The following TOMM70 variants were observed in gnomAD, a reference collection of about 807,000 sequenced individuals.
The protein encoded by TOMM70 is translocase of outer mitochondrial membrane 70, also known as mitochondrial import receptor subunit TOM70.
TOMM70 carries 13 observed loss-of-function variants against 73.6 expected under a neutral mutation model. The observed-to-expected ratio is 0.18, with a 90% CI of 0.11 to 0.28. The LOEUF (loss-of-function observed/expected upper bound fraction) is 0.28. Among genes scored for constraint, TOMM70 ranks in the 10% least tolerant of loss-of-function variants. The pLI, the probability that TOMM70 is intolerant of heterozygous loss-of-function variation, is 1.00. For synonymous variants in TOMM70, 257 were observed against 271.2 expected, an observed-to-expected ratio of 0.95 and a Z score of 0.51; for missense variants, 609 against 747.5, an observed-to-expected ratio of 0.81 and a Z score of 2.16.
intron 9 of TOMM70, 113 bp from the exon 10 acceptor site, chr3:100,369,248 C>T (rs755985798): frequency 1.1e-5 from 8 of 746,022 alleles, no homozygotes; most frequent in African/African-American, 1.8e-5. Context: ...AAAATTATCA[C>T]GTTTTGGGGA....
At chr3:100,394,224 G>GT (rs1192083762) in intron 1 of TOMM70, among the ~76,000 whole-genome samples, 2 of 152,038 alleles carry the variant, frequency 1.3e-5, no homozygotes, top group Non-Finnish European at 2.9e-5. Context: ...TCTTAAAATG[G>GT]TTTTATTGTT....
At chr3:100,372,582 T>TA (rs746837549) in intron 9 of TOMM70, 24 bp downstream of exon 9, 30 of 1,578,184 alleles carry the variant, frequency 1.9e-5, no homozygotes, top group Non-Finnish European at 2.4e-5. Context: ...CAGTTATTTT[T>TA]AAAAAACCTG....
chr3:100,372,816 A>G (rs1706525431), intron 8 of TOMM70, 94 bp from the exon 9 acceptor site: 4 of 1,067,632 alleles, frequency 3.7e-6, no homozygotes, highest in Non-Finnish European at 5.5e-6. Context: ...TATTTCCAAA[A>G]AAACAGGTGA....
intron 1 of TOMM70, among the ~76,000 whole-genome samples, chr3:100,393,552 A>G (rs967860576): frequency 3.3e-5 from 5 of 152,176 alleles, no homozygotes; most frequent in Non-Finnish European, 7.4e-5. Flanking sequence ...CCACTATACA[A>G]TTCATCCATG....
At position 100,364,574 on chromosome 3, in the gene TOMM70, G is replaced by A. The variant is rs1240328595; in HGVS notation, c.*990C>T. On this transcript the variant is annotated 3_prime_UTR_variant, in exon 12 of 12. Transcript: ENST00000284320. ...AAGTTCTAAAATTTTTTAAAGGATGGGGTCTTGCTATATTGCCCAGGCTGG... is the reference window on the plus strand; with the variant it reads ...AAGTTCTAAAATTTTTTAAAGGATGAGGTCTTGCTATATTGCCCAGGCTGG... 6.8e-6 allele frequency: 1 copy of A among 146,186 alleles called. No individual in the cohort carries two copies. Among genetic ancestry groups the A allele is most frequent in the Admixed American group, 6.7e-5 (1 of 14,952 alleles). 9.1% of individuals were successfully genotyped at this position (146,186 alleles called of 1,614,324 possible).
intron 7 of TOMM70, 68 bp from the exon 8 acceptor site, chr3:100,373,713 C>A: frequency 9.7e-7 from 1 of 1,028,122 alleles, no homozygotes; most frequent in South Asian, 1.4e-5. Flanking sequence ...TGTCTCATCT[C>A]TATTATTACA....
At chr3:100,366,802 A>G (rs754162972) in intron 11 of TOMM70, among the ~76,000 whole-genome samples, 49 of 152,390 alleles carry the variant, frequency 3.2e-4, no homozygotes, top group Non-Finnish European at 6.5e-4. Context: ...AATTAAAAGC[A>G]AAGTGTTTTT....
Position 100,380,761 on chromosome 3 carries a change from A to G in TOMM70, c.884+854T>C, listed in dbSNP as rs572046979. ...CAATCTTCTCAAAGATTGTGTATCAATGAACTAAAATTTGTACACTGCAGT... is the reference window on the plus strand; with the variant it reads ...CAATCTTCTCAAAGATTGTGTATCAGTGAACTAAAATTTGTACACTGCAGT... On this transcript the variant is annotated intron_variant, in intron 5 of 11. Coordinates refer to ENST00000284320, the MANE Select transcript of TOMM70 (RefSeq NM_014820.5). Among the ~76,000 whole-genome samples, 4 of 152,344 alleles carry G rather than the reference A, an allele frequency of 2.6e-5. No homozygotes were observed. In the South Asian group the frequency reaches 6.2e-4, roughly 24 times the overall value.
At chr3:100,390,838 A>G (rs1393518342) in intron 1 of TOMM70, among the ~76,000 whole-genome samples, 2 of 152,006 alleles carry the variant, frequency 1.3e-5, no homozygotes, top group South Asian at 4.2e-4. Flanking sequence ...CAAAAGAAAC[A>G]AAAACAAAAA....
chr3:100,381,953 C>T (rs936240606), intron 4 of TOMM70, among the ~76,000 whole-genome samples, 190 bp from the exon 5 acceptor site: 68 of 152,186 alleles, frequency 4.5e-4, no homozygotes, highest in Admixed American at 4.5e-3. Context: ...CTGTTTAAAG[C>T]TGGTTTTAAA....
chr3:100,378,958 G>C (rs1706597726), intron 5 of TOMM70, among the ~76,000 whole-genome samples: 2 of 152,280 alleles, frequency 1.3e-5, no homozygotes, highest in Admixed American at 6.5e-5. Context: ...AGTGAGCTGA[G>C]ATCGCGCCAC....
rs57366969 is a variant in TOMM70, at chr3:100,394,365, C to CT, written c.324+6260dup. Among the ~76,000 whole-genome samples, 87 of 131,396 alleles carry CT rather than the reference C, an allele frequency of 6.6e-4. 4 individuals are homozygous for CT. The Middle Eastern group carries it at 0.015, about 23-fold the overall frequency. The allele number at this position is 131,396 out of a possible 152,430, so 86.2% of individuals were successfully genotyped here. On this transcript the variant is annotated intron_variant, in intron 1 of 11. Coordinates refer to ENST00000284320, the MANE Select transcript of TOMM70 (RefSeq NM_014820.5). ...ACTTATTGACCAACTGTTACTTTTTCTTTTTTTTTTTTTGAGATAGAGTTT... is the reference window on the plus strand; with the variant it reads ...ACTTATTGACCAACTGTTACTTTTTCTTTTTTTTTTTTTTGAGATAGAGTTT...
In TOMM70 at chr3:100,386,862, C is replaced by G; in HGVS notation, c.441G>C (p.Glu147Asp). ...YTEAISLCPT[E>D]KNVDLSTFYQ... ...AAAATGTAGAAAGGTCAACATTCTT[C>G]TCTGTAGGGCACAAGCTAATAGCCT... The change falls in exon 2 of 12, where the codon GAG becomes GAC. Residue 147 changes from glutamate to aspartate, a missense_variant. By Grantham distance (45) the Glu-to-Asp change is conservative. Transcript: ENST00000284320. 5 of 1,614,154 alleles carry G rather than the reference C, an allele frequency of 3.1e-6. No individual in the cohort carries two copies. Among genetic ancestry groups the G allele is most frequent in the Non-Finnish European group, 3.4e-6 (4 of 1,180,026 alleles).
intron 11 of TOMM70, 139 bp downstream of exon 11, chr3:100,367,905 G>A: frequency 1.1e-6 from 1 of 934,404 alleles, no homozygotes; most frequent in Non-Finnish European, 1.5e-6. Context: ...CACTGCCTTA[G>A]CACATTTTTT....
intron 5 of TOMM70, among the ~76,000 whole-genome samples, chr3:100,380,582 G>A (rs559118560): frequency 5.3e-5 from 8 of 152,262 alleles, no homozygotes; most frequent in Admixed American, 3.3e-4. Flanking sequence ...AGCTAGCTAC[G>A]TCCTACCATC....
rs138465118 is a variant in TOMM70, at chr3:100,400,767, C to T, written c.183G>A (p.Arg61=). ...CTCTGGCCTCCCGGCGCCGTTGCTGCCGACTCCACAGGTATATGGCACCCG... is the reference window on the plus strand; with the variant it reads ...CTCTGGCCTCCCGGCGCCGTTGCTGTCGACTCCACAGGTATATGGCACCCG... ...LGAGAIYLWS[R]QQRRREARGR... is the part of the protein sequence containing the mutation. Residue 61 remains arginine, a synonymous_variant, in exon 1 of 12, where the codon CGG becomes CGA. Transcript: ENST00000284320. 1 of 1,584,526 alleles carries T rather than the reference C, an allele frequency of 6.3e-7. No individual in the cohort carries two copies. Among genetic ancestry groups the T allele is most frequent in the East Asian group, 2.3e-5 (1 of 43,638 alleles).
chr3:100,387,419 C>G (rs1034787884), intron 1 of TOMM70, among the ~76,000 whole-genome samples: 6 of 152,018 alleles, frequency 3.9e-5, no homozygotes, highest in African/African-American at 1.4e-4. Context: ...TGTACTCCAG[C>G]CTTGGTGAGA....
intron 9 of TOMM70, 117 bp from the exon 10 acceptor site, chr3:100,369,252 T>C: frequency 1.4e-6 from 1 of 734,452 alleles, no homozygotes; most frequent in South Asian, 1.7e-5. Context: ...TTATCACGTT[T>C]TGGGGATACA....
rs1480099590 is a variant in TOMM70, at chr3:100,370,921, T to C, written c.1452+1685A>G. Among the ~76,000 whole-genome samples the C allele has an allele frequency of 2.0e-5, 3 of 152,218 alleles. 1 individual carries two copies. The highest frequency in any genetic ancestry group is 2.9e-5 in the Non-Finnish European group (2 of 68,032). On this transcript the variant is annotated intron_variant, in intron 9 of 11. Coordinates refer to ENST00000284320, the MANE Select transcript of TOMM70 (RefSeq NM_014820.5). ...ATTCGGTGGCCTTTGCTCTTCTAGA[T>C]GCTTAGAGAAATCTGCACCAAAAAA...
Sources: gnomAD v4.1 joint callset for allele counts (sites outside exome capture counted in the v4.1 genomes callset) on GRCh38, gnomAD v4.1.1 for gene constraint, MANE v1.5 for transcripts, NCBI Gene and HGNC (gene_info 2026-07-23, HGNC 2026-07-21) for gene names.